Variants in PMM2 observed in about 807,000 individuals in gnomAD.
PMM2 encodes phosphomannomutase 2.
Under a neutral mutation model 33.2 loss-of-function variants are expected in PMM2, and 35 were observed. That is an observed-to-expected ratio of 1.06 (90% CI 0.81 to 1.40). The LOEUF (loss-of-function observed/expected upper bound fraction) is 1.40. Ranked by LOEUF, PMM2 falls within the 40% of genes most tolerant of loss-of-function variation. PMM2 has a pLI of 0.00. For missense variants in PMM2, 386 were observed against 306.0 expected, an observed-to-expected ratio of 1.26 and a Z score of -1.95; for synonymous variants, 153 against 114.7, an observed-to-expected ratio of 1.33 and a Z score of -2.13.
chr16:8,820,288 G>T (rs1468974488), intron 7 of PMM2, among the ~76,000 whole-genome samples: 2 of 151,534 alleles, frequency 1.3e-5, no homozygotes, highest in African/African-American at 4.9e-5. Context: ...CCATTCACCA[G>T]TGACCTTGTG....
chr16:8,837,595 G>A (rs1474358492), intron 7 of PMM2, among the ~76,000 whole-genome samples: 3 of 151,850 alleles, frequency 2.0e-5, no homozygotes, highest in Non-Finnish European at 4.4e-5. Flanking sequence ...TTGGGGCACA[G>A]AGATATAAGA....
chr16:8,818,731 G>A (rs917362570), intron 7 of PMM2, among the ~76,000 whole-genome samples: 35 of 149,644 alleles, frequency 2.3e-4, no homozygotes, highest in Admixed American at 1.8e-3. Context: ...GGCGTTGGCC[G>A]TTGCTTTTCA....
chr16:8,832,635 A>T (rs1200242146), intron 7 of PMM2: 1 of 985,300 alleles, frequency 1.0e-6, no homozygotes. Flanking sequence ...CGGCTGCAGG[A>T]GCCTCCTAAC....
chr16:8,831,114 G>A (rs963337334), intron 7 of PMM2, among the ~76,000 whole-genome samples: 9 of 152,142 alleles, frequency 5.9e-5, no homozygotes, highest in Admixed American at 2.6e-4. Flanking sequence ...ACTCCACCTT[G>A]GTGACAGAGT....
At chr16:8,846,162 G>A (rs912676715) in intron 7 of PMM2, among the ~76,000 whole-genome samples, 17 of 152,136 alleles carry the variant, frequency 1.1e-4, no homozygotes, top group Admixed American at 6.6e-5. Context: ...TGGGCCCAGC[G>A]ACGTTCCCTC....
At chr16:8,835,298 G>A (rs374254576) in intron 7 of PMM2, among the ~76,000 whole-genome samples, 1 of 145,918 alleles carries the variant, frequency 6.9e-6, no homozygotes, top group African/African-American at 2.5e-5. Flanking sequence ...GATCAACAGG[G>A]AGAGCACGTG....
intron 7 of PMM2, among the ~76,000 whole-genome samples, chr16:8,826,829 G>A (rs769668927): frequency 2.6e-5 from 4 of 151,394 alleles, no homozygotes; most frequent in Admixed American, 2.0e-4. Context: ...ATCTTGTCAC[G>A]ACTCACAGAG....
intron 7 of PMM2, among the ~76,000 whole-genome samples, chr16:8,841,092 C>G (rs1321293802): frequency 2.0e-5 from 3 of 152,114 alleles, no homozygotes; most frequent in East Asian, 3.9e-4. Flanking sequence ...ACTGTCCAAT[C>G]CTTTTTAAGT....
At position 8,843,185 on chromosome 16, in the gene PMM2, A is replaced by G. The variant is rs368137992; in HGVS notation, c.640-4539A>G. 2.6e-5 allele frequency among the ~76,000 whole-genome samples: 4 copies of G among 152,242 alleles called. No individual in the cohort carries two copies. In the East Asian group the frequency reaches 5.8e-4, roughly 22 times the overall value. On this transcript the variant is annotated intron_variant, in intron 7 of 7. Transcript: ENST00000268261. ...AGAAGCCTGGCCGTCCATACCCACA[A>G]CAGTTATGGAGGCAAGGGAAACAGG...
At chr16:8,803,161 A>C (rs1031221957) in intron 2 of PMM2, among the ~76,000 whole-genome samples, 1 of 152,212 alleles carries the variant, frequency 6.6e-6, no homozygotes, top group Non-Finnish European at 1.5e-5. Flanking sequence ...ACTGTTCTCA[A>C]AGATGTAATA....
chr16:8,804,024 T>TTTTTTTG (rs1555449065), intron 2 of PMM2, among the ~76,000 whole-genome samples: 45,893 of 90,574 alleles, frequency 0.51, 9,010 homozygotes, highest in Non-Finnish European at 0.58. Context: ...TTTTTTGGGT[T>TTTTTTTG]TTTTTTGTTT....
chr16:8,827,905 ATTATATATATT>A (rs1443199620), intron 7 of PMM2, among the ~76,000 whole-genome samples: 13 of 110,554 alleles, frequency 1.2e-4, no homozygotes, highest in South Asian at 2.5e-4. Flanking sequence ...TATGATATAT[ATTATATATATT>A]ATGTTTTATA....
At chr16:8,839,386 G>C (rs567961247) in intron 7 of PMM2, among the ~76,000 whole-genome samples, 1 of 151,984 alleles carries the variant, frequency 6.6e-6, no homozygotes, top group African/African-American at 2.4e-5. Context: ...AGAGTCCTAG[G>C]GATCCAGCTA....
intron 7 of PMM2, among the ~76,000 whole-genome samples, chr16:8,843,678 A>G (rs553384231): frequency 2.8e-4 from 42 of 152,206 alleles, no homozygotes; most frequent in African/African-American, 9.6e-4. Flanking sequence ...TTTTTCTATT[A>G]TTGTACACCT....
At chr16:8,804,710 T>G (rs2060636687) in intron 2 of PMM2, 57 bp from the exon 3 acceptor site, 7 of 1,227,708 alleles carry the variant, frequency 5.7e-6, no homozygotes, top group Non-Finnish European at 6.0e-6. Flanking sequence ...AATCAAGGAG[T>G]AAAAACACAG....
intron 7 of PMM2, among the ~76,000 whole-genome samples, chr16:8,822,750 T>C (rs1348154781): frequency 2.0e-5 from 3 of 152,206 alleles, no homozygotes; most frequent in African/African-American, 7.2e-5. Flanking sequence ...AGGGTAGGTG[T>C]TGACCCAAAG....
At chr16:8,840,912 C>T (rs530247055) in intron 7 of PMM2, among the ~76,000 whole-genome samples, 6 of 152,096 alleles carry the variant, frequency 3.9e-5, no homozygotes, top group African/African-American at 1.2e-4. Context: ...GGCGAATTTC[C>T]TGTCTAGCCT....
intron 7 of PMM2, among the ~76,000 whole-genome samples, chr16:8,829,911 T>C (rs2060800027): frequency 6.6e-6 from 1 of 152,096 alleles, no homozygotes; most frequent in Non-Finnish European, 1.5e-5. Flanking sequence ...TCCAAACAAG[T>C]CCCCTATTCT....
At chr16:8,830,380 G>T (rs1263294096) in intron 7 of PMM2, among the ~76,000 whole-genome samples, 1 of 152,226 alleles carries the variant, frequency 6.6e-6, no homozygotes, top group African/African-American at 2.4e-5. Flanking sequence ...AGAGCCAGCT[G>T]TGCAGGAGAC....
Sources: gnomAD v4.1 joint callset for allele counts (sites outside exome capture counted in the v4.1 genomes callset) on GRCh38, gnomAD v4.1.1 for gene constraint, MANE v1.5 for transcripts, NCBI Gene and HGNC (gene_info 2026-07-23, HGNC 2026-07-21) for gene names.